The following ABCA3 variants were observed in gnomAD, a reference collection of about 807,000 sequenced individuals.
ABCA3 encodes ATP binding cassette subfamily A member 3, also known as phospholipid-transporting ATPase ABCA3.
A neutral mutation model predicts 172.8 loss-of-function variants in ABCA3; 88 were observed. That is an observed-to-expected ratio of 0.51 (90% CI 0.43 to 0.61). The LOEUF (loss-of-function observed/expected upper bound fraction) is 0.61, where lower values mean the gene tolerates loss of function less well. ABCA3 is among the 20% of genes least tolerant of loss of function. The pLI is 0.00. For missense variants in ABCA3, 2,164 were observed against 2,301.0 expected (o/e 0.94, Z 1.22); for synonymous variants, 1,066 against 983.8 (o/e 1.08, Z -1.56).
chr16:2,289,572 G>T lies in ABCA3; in HGVS notation c.2562C>A (p.Leu854=). 6.4e-7 allele frequency: 1 copy of T among 1,558,152 alleles called. No individual in the cohort carries two copies. The highest frequency in any genetic ancestry group is 1.2e-5 in the South Asian group (1 of 84,572). Reference sequence around the variant, plus strand: ...TCTCGTGCTGGTACTGCAGGGCAGGGAGCTGGATGGCCTGGATGTCCATAC... The same window carrying T: ...TCTCGTGCTGGTACTGCAGGGCAGGTAGCTGGATGGCCTGGATGTCCATAC... The part of the protein sequence containing the change: ...DSSMDIQAIQ[L]PALQYQHERR... Residue 854 remains leucine, a synonymous_variant, in exon 20 of 33, where the codon CTC becomes CTA. Coordinates refer to ENST00000301732, the MANE Select transcript of ABCA3 (RefSeq NM_001089.3).
At chr16:2,328,224 T>A (rs2093737391) in intron 3 of ABCA3, among the ~76,000 whole-genome samples, 1 of 152,176 alleles carries the variant, frequency 6.6e-6, no homozygotes, top group Non-Finnish European at 1.5e-5. Flanking sequence ...TCTGTCTTAC[T>A]AAATTTCAAA....
chr16:2,281,470 G>A lies in ABCA3; in HGVS notation c.4075C>T (p.Gln1359Ter). ...YTRMPVLPED[Q>*]DVADERTRIL... is the part of the protein sequence containing the mutation. The stretch of plus-strand genomic sequence containing the variant: ...CGGGTCCTCTCGTCCGCTACATCTT[G>A]GTCCTCAGGAAGCACAGGCATCCGG... Residue 1359 changes from glutamine to a stop codon, truncating the protein, a stop_gained, in exon 27 of 33, where the codon CAA becomes TAA. Transcript: ENST00000301732. LOFTEE classifies it high-confidence loss of function. The surrounding 1 kb of genome is among the most constrained non-coding windows in gnomAD (Gnocchi z 4.7). 1.2e-6 allele frequency: 2 copies of A among 1,613,666 alleles called. No individual in the cohort carries two copies. Among genetic ancestry groups the A allele is most frequent in the Non-Finnish European group, 1.7e-6 (2 of 1,180,012 alleles).
At chr16:2,326,323 G>C in intron 4 of ABCA3, 49 bp from the exon 5 acceptor site, 1 of 1,611,418 alleles carries the variant, frequency 6.2e-7, no homozygotes, top group South Asian at 1.1e-5. Context: ...GGCAGAAGCA[G>C]GGGCATGCAG....
rs760644085 is a variant in ABCA3, at chr16:2,281,055, C to A, written c.4331G>T (p.Gly1444Val). ...SLTSGDAFVGGHRISSDVGKV... is the reference protein window; with the variant it reads ...SLTSGDAFVGVHRISSDVGKV... ...TCCGACATCAGAGCTGATTCTGTGA[C>A]CCCCGACAAAGGCATCCCCAGAAGT... The change falls in exon 28 of 33, where the codon GGT becomes GTT. Residue 1444 changes from glycine (G) to valine (V), a missense_variant. Transcript: ENST00000301732. The surrounding 1 kb of genome is among the most constrained non-coding windows in gnomAD (Gnocchi z 4.7). 3 of 1,613,926 alleles carry A rather than the reference C, an allele frequency of 1.9e-6. No homozygotes were observed. Among genetic ancestry groups the A allele is most frequent in the Non-Finnish European group, 2.5e-6 (3 of 1,180,026 alleles).
intron 7 of ABCA3, among the ~76,000 whole-genome samples, chr16:2,321,260 G>A (rs895030081): frequency 6.6e-6 from 1 of 152,186 alleles, no homozygotes; most frequent in Non-Finnish European, 1.5e-5. Flanking sequence ...TCCAGGCTGG[G>A]TGACCTGTCA....
Position 2,285,435 on chromosome 16 carries a change from C to T in ABCA3, c.3483+7G>A, listed in dbSNP as rs576053411. 1.1e-5 allele frequency: 18 copies of T among 1,604,278 alleles called. No individual in the cohort carries two copies. The highest frequency in any genetic ancestry group is 4.5e-5 in the South Asian group (4 of 89,256). On this transcript the variant is annotated splice_region_variant and intron_variant, in intron 23 of 32. Coordinates refer to ENST00000301732, the MANE Select transcript of ABCA3 (RefSeq NM_001089.3). This position sits in a 1 kb window ranked among gnomAD's most constrained non-coding sequence, Gnocchi z 4.7. ...GGGGAACGGATCCAGCACCCTCCGG[C>T]GCTCACCAGCAGCAGCAGACTGGGG... is the stretch of plus-strand genomic sequence containing the variant.
At position 2,319,831 on chromosome 16, in the gene ABCA3, C is replaced by T. The variant is rs746682954; in HGVS notation, c.623G>A (p.Arg208Gln). Residue 208 changes from arginine (R) to glutamine (Q), a missense_variant, in exon 8 of 33, where the codon CGG becomes CAG. This residue lies in a region of ABCA3 where 1,343 missense variants were observed against 1,369.6 expected (regional missense o/e 0.98). Transcript: ENST00000301732. ...ATGCTGCACGGCCAGGAAGCCTTCC[C>T]GGATGTACCCTGGGTGCGGGAGCAG... ...SPDGGEPGYIREGFLAVQHAV... is the reference protein window; with the variant it reads ...SPDGGEPGYIQEGFLAVQHAV... 1.8e-5 allele frequency: 29 copies of T among 1,613,648 alleles called. No homozygotes were observed. Among genetic ancestry groups the T allele is most frequent in the East Asian group, 1.1e-4 (5 of 44,878 alleles).
At chr16:2,322,965 C>A (rs1005998132) in intron 7 of ABCA3, among the ~76,000 whole-genome samples, 5 of 152,078 alleles carry the variant, frequency 3.3e-5, no homozygotes, top group South Asian at 2.1e-4. Context: ...CAAGAAAAAA[C>A]CAAACAACCC....
intron 1 of ABCA3, among the ~76,000 whole-genome samples, chr16:2,336,597 A>ATTTTTTTTTTTT (rs11284766): frequency 9.9e-6 from 1 of 101,324 alleles, no homozygotes. Flanking sequence ...CGCCCAGCTA[A>ATTTTTTTTTTTT]TTTTTTTTTT....
At chr16:2,295,842 G>C (rs531696899) in intron 17 of ABCA3, 102 bp from the exon 18 acceptor site, 9 of 1,524,044 alleles carry the variant, frequency 5.9e-6, no homozygotes, top group South Asian at 1.1e-5. Flanking sequence ...CTGGTGGGAA[G>C]GAGGCTAGAG....
In ABCA3 at chr16:2,276,799, C is replaced by T. The variant is rs748197095; in HGVS notation, c.4990G>A (p.Gly1664Ser). Residue 1664 changes from glycine (G) to serine (S), a missense_variant, in exon 33 of 33, where the codon GGT (glycine) becomes AGT (serine). Transcript: ENST00000301732. ...TTTTCCTTGGCTTTCTCCAGAATAC[C>T]GAAAACCTTTGGGGAGCAGAAAAGT... ...GRDLSWAKVF[G>S]ILEKAKEKYG... 9.3e-6 allele frequency: 15 copies of T among 1,613,836 alleles called. No homozygotes were observed. The highest frequency in any genetic ancestry group is 2.2e-5 in the East Asian group (1 of 44,858).
chr16:2,285,010 C>T lies in ABCA3; in HGVS notation c.3484-12G>A. 1 of 1,610,580 alleles carries T rather than the reference C, an allele frequency of 6.2e-7. No individual in the cohort carries two copies. The stretch of plus-strand genomic sequence containing the variant: ...GCCTTAAACACCACCTGCGGCGGCA[C>T]AGGGAGGCGCTGCTGTGCATGCCAA... On this transcript the variant is annotated splice_polypyrimidine_tract_variant and intron_variant, in intron 23 of 32. Coordinates refer to ENST00000301732, the MANE Select transcript of ABCA3 (RefSeq NM_001089.3). This position sits in a 1 kb window ranked among gnomAD's most constrained non-coding sequence, Gnocchi z 4.7.
chr16:2,297,649 A>G lies in ABCA3; in HGVS notation c.2053-110T>C. ...TTCGCGGAGCCGGCTTGAGTCCTCC[A>G]AGGATGGTGATGGCCTTGTCTGGGG... is the stretch of plus-strand genomic sequence containing the variant. On this transcript the variant is annotated intron_variant, in intron 16 of 32. Transcript: ENST00000301732. This position sits in a 1 kb window ranked among gnomAD's most constrained non-coding sequence, Gnocchi z 5.6. 1 of 1,589,078 alleles carries G rather than the reference A, an allele frequency of 6.3e-7. No homozygotes were observed. The highest frequency in any genetic ancestry group is 1.1e-5 in the South Asian group (1 of 90,244).
intron 7 of ABCA3, among the ~76,000 whole-genome samples, chr16:2,322,196 G>GAA (rs770820216): frequency 2.6e-5 from 3 of 117,436 alleles, no homozygotes; most frequent in African/African-American, 3.1e-5. Context: ...GATTCTGTCT[G>GAA]AAAAAAAAAA....
intron 19 of ABCA3, among the ~76,000 whole-genome samples, chr16:2,290,854 G>A (rs1356427352): frequency 6.6e-6 from 1 of 152,206 alleles, no homozygotes; most frequent in Non-Finnish European, 1.5e-5. Flanking sequence ...CCCTAAGGAG[G>A]AAAACCTATC....
rs529040491 is a variant in ABCA3, at chr16:2,301,095, G to A, written c.1468-947C>T. Among the ~76,000 whole-genome samples, 920 of 151,422 alleles carry A rather than the reference G, an allele frequency of 6.1e-3. 4 individuals carry two copies. The highest frequency in any genetic ancestry group is 8.6e-3 in the Non-Finnish European group (587 of 67,876). ...AATACAAAAAAATTAGCCGGGCGTG[G>A]TGGTGGGCGCCTATAGTCCCAGCTA... is the stretch of plus-strand genomic sequence containing the variant. On this transcript the variant is annotated intron_variant, in intron 12 of 32. Transcript: ENST00000301732.
chr16:2,328,552 G>C lies in ABCA3; in HGVS notation c.-126C>G, dbSNP rs1422044260. The C allele has an allele frequency of 1.9e-6, 1 of 515,962 alleles. No homozygotes were observed. Among genetic ancestry groups the C allele is most frequent in the Non-Finnish European group, 3.9e-6 (1 of 258,816 alleles). The allele number at this position is 515,962 out of a possible 1,614,324, so 32.0% of individuals were successfully genotyped here. On this transcript the variant is annotated 5_prime_UTR_variant, in exon 3 of 33. Transcript: ENST00000301732. ...TGAAAACTGAGTGTAAAGAGGGCGA[G>C]GTGTGCAGACGTGGCTGCTCTGTCC... is the stretch of plus-strand genomic sequence containing the variant.
Position 2,284,014 on chromosome 16 carries a change from C to A in ABCA3, c.3862+265G>T. 1 of 436,760 alleles carries A rather than the reference C, an allele frequency of 2.3e-6. No homozygotes were observed. The highest frequency in any genetic ancestry group is 4.2e-6 in the Non-Finnish European group (1 of 236,622). The allele number at this position is 436,760 out of a possible 1,614,324, so 27.1% of individuals were successfully genotyped here. On this transcript the variant is annotated intron_variant, in intron 25 of 32. Coordinates refer to ENST00000301732, the MANE Select transcript of ABCA3 (RefSeq NM_001089.3). This position sits in a 1 kb window ranked among gnomAD's most constrained non-coding sequence, Gnocchi z 5.9. ...TCCCCTGAGCCATGGGGGATTCACT[C>A]CTCGTGCTAAGCGCTGGTCTGTGGT...
chr16:2,330,295 A>G (rs1005066079), intron 1 of ABCA3, among the ~76,000 whole-genome samples: 2 of 150,578 alleles, frequency 1.3e-5, no homozygotes, highest in African/African-American at 4.9e-5. Context: ...TCTCAAAAAA[A>G]AAAAAAAAAA....
Sources: gnomAD v4.1 joint callset for allele counts (sites outside exome capture counted in the v4.1 genomes callset) on GRCh38, gnomAD v4.1.1 for gene constraint, gnomAD v4.1.1 regional missense constraint, Gnocchi (gnomAD v3.1) non-coding constraint, MANE v1.5 for transcripts, NCBI Gene and HGNC (gene_info 2026-07-23, HGNC 2026-07-21) for gene names.